Variants in CSMD1 observed in about 807,000 individuals in gnomAD.
CSMD1 encodes CUB and sushi domain-containing protein 1.
A neutral mutation model predicts 417.5 loss-of-function variants in CSMD1; 213 were observed. The observed-to-expected ratio is 0.51, with a 90% CI of 0.46 to 0.57. The LOEUF (loss-of-function observed/expected upper bound fraction) is 0.57. Among genes scored for constraint, CSMD1 ranks in the 20% least tolerant of loss-of-function variants. The probability of loss-of-function intolerance (pLI) is 0.00; values close to 1 mark genes in which losing one functional copy is unlikely to be tolerated. For synonymous variants in CSMD1, 2,862 were observed against 1,736.8 expected, an observed-to-expected ratio of 1.65 and a Z score of -16.11; for missense variants, 6,923 against 4,529.7, an observed-to-expected ratio of 1.53 and a Z score of -15.17.
chr8:4,125,734 T>C (rs1802726152), intron 3 of CSMD1, among the ~76,000 whole-genome samples: 2 of 152,292 alleles, frequency 1.3e-5, no homozygotes, highest in South Asian at 4.1e-4. Context: ...AGTTCACAGT[T>C]TGACTCTGAA....
At chr8:3,655,460 A>G (rs947681331) in intron 7 of CSMD1, among the ~76,000 whole-genome samples, 1 of 152,220 alleles carries the variant, frequency 6.6e-6, no homozygotes, top group Non-Finnish European at 1.5e-5. Context: ...CTACATAATT[A>G]TAATGACAAA....
intron 3 of CSMD1, among the ~76,000 whole-genome samples, chr8:4,090,011 T>A (rs577815499): frequency 1.3e-5 from 2 of 152,326 alleles, no homozygotes; most frequent in South Asian, 4.1e-4. Context: ...TACTAGCCTG[T>A]TTTGTAAAGG....
chr8:4,118,636 T>C (rs770609768), intron 3 of CSMD1, among the ~76,000 whole-genome samples: 1 of 152,196 alleles, frequency 6.6e-6, no homozygotes, highest in Admixed American at 6.5e-5. Context: ...CATTTTACAC[T>C]GTTGATGGGT....
intron 5 of CSMD1, among the ~76,000 whole-genome samples, chr8:3,829,871 C>A (rs745851584): frequency 6.6e-6 from 1 of 152,096 alleles, no homozygotes; most frequent in African/African-American, 2.4e-5. Context: ...TTAGAAAACA[C>A]TGTTATGTGA....
At chr8:4,292,345 G>A (rs1263315757) in intron 3 of CSMD1, among the ~76,000 whole-genome samples, 4 of 151,832 alleles carry the variant, frequency 2.6e-5, no homozygotes, top group Non-Finnish European at 4.4e-5. Context: ...CTCTGCCTCC[G>A]GGGTTCACGC....
At chr8:4,418,223 T>C (rs570283809) in intron 3 of CSMD1, among the ~76,000 whole-genome samples, 1 of 152,158 alleles carries the variant, frequency 6.6e-6, no homozygotes, top group Non-Finnish European at 1.5e-5. Flanking sequence ...AATCATTTTC[T>C]ACATAGCCAC....
chr8:3,805,133 G>A (rs1395303600), intron 5 of CSMD1, among the ~76,000 whole-genome samples: 1 of 152,164 alleles, frequency 6.6e-6, no homozygotes, highest in Non-Finnish European at 1.5e-5. Flanking sequence ...AATTGCCTCA[G>A]ATTCCACTAG....
At chr8:3,806,048 G>A (rs1800720482) in intron 5 of CSMD1, among the ~76,000 whole-genome samples, 1 of 152,096 alleles carries the variant, frequency 6.6e-6, no homozygotes, top group Non-Finnish European at 1.5e-5. Flanking sequence ...CTTCTTCAAT[G>A]GATTTTAATT....
At chr8:4,718,234 C>T (rs963069950) in intron 1 of CSMD1, among the ~76,000 whole-genome samples, 1 of 152,190 alleles carries the variant, frequency 6.6e-6, no homozygotes, top group Non-Finnish European at 1.5e-5. Context: ...GTCTCAGCCT[C>T]CCAAAATGTT....
chr8:4,095,312 G>C (rs1015428495), intron 3 of CSMD1, among the ~76,000 whole-genome samples: 2 of 152,068 alleles, frequency 1.3e-5, no homozygotes, highest in Non-Finnish European at 2.9e-5. Context: ...GTTATTACCT[G>C]ATATAACATT....
At chr8:4,640,947 A>G (rs998451610) in intron 1 of CSMD1, among the ~76,000 whole-genome samples, 5 of 151,526 alleles carry the variant, frequency 3.3e-5, no homozygotes, top group African/African-American at 1.2e-4. Context: ...ATCAATATCA[A>G]TGGCAATATC....
At chr8:3,526,977 G>C (rs1797779779) in intron 10 of CSMD1, among the ~76,000 whole-genome samples, 1 of 152,046 alleles carries the variant, frequency 6.6e-6, no homozygotes, top group African/African-American at 2.4e-5. Flanking sequence ...CAGCCCTCTG[G>C]AGGGTGGGGC....
intron 5 of CSMD1, among the ~76,000 whole-genome samples, chr8:3,796,427 G>GATATAGATATATATCTATCATGTATAC (rs1800147172): frequency 1.0e-5 from 1 of 96,888 alleles, no homozygotes; most frequent in African/African-American, 4.1e-5. Flanking sequence ...ATCATGTATA[G>GATATAGATATATATCTATCATGTATAC]ATATATATAT....
intron 10 of CSMD1, among the ~76,000 whole-genome samples, chr8:3,509,502 T>C (rs893054497): frequency 6.6e-6 from 1 of 152,212 alleles, no homozygotes; most frequent in African/African-American, 2.4e-5. Context: ...AGCTTCCTCA[T>C]CTTTAAAATG....
intron 3 of CSMD1, among the ~76,000 whole-genome samples, chr8:4,190,152 A>C (rs1798930875): frequency 1.3e-5 from 2 of 150,540 alleles, no homozygotes; most frequent in African/African-American, 4.9e-5. Context: ...CCAGCTACTC[A>C]GGAGGCTGAG....
Position 4,078,386 on chromosome 8 carries a change from C to G in CSMD1, c.416-46287G>C, listed in dbSNP as rs574977209. Among the ~76,000 whole-genome samples the G allele has an allele frequency of 5.1e-3, 741 of 145,618 alleles. 6 individuals are homozygous for G. Among genetic ancestry groups the G allele is most frequent in the African/African-American group, 0.018 (704 of 38,856 alleles). ...CTGGAGTGCAGTGGCGTGATCTCGACTCACTGCAAGCTCCACCTCCCGGGT... is the reference window on the plus strand; with the variant it reads ...CTGGAGTGCAGTGGCGTGATCTCGAGTCACTGCAAGCTCCACCTCCCGGGT... On this transcript the variant is annotated intron_variant, in intron 3 of 69. Coordinates refer to ENST00000635120, the MANE Select transcript of CSMD1 (RefSeq NM_033225.6).
intron 5 of CSMD1, among the ~76,000 whole-genome samples, chr8:3,959,313 A>G (rs1348878977): frequency 6.6e-6 from 1 of 152,190 alleles, no homozygotes; most frequent in East Asian, 1.9e-4. Context: ...CCTGGGCAAC[A>G]TGGCAAAAAA....
chr8:4,757,699 C>G (rs1195307683), intron 1 of CSMD1, among the ~76,000 whole-genome samples: 1 of 152,092 alleles, frequency 6.6e-6, no homozygotes, highest in Non-Finnish European at 1.5e-5. Flanking sequence ...TGGCTTATGT[C>G]TGTAATCCTA....
chr8:4,438,438 C>T (rs571230593), intron 2 of CSMD1, among the ~76,000 whole-genome samples: 8 of 152,264 alleles, frequency 5.3e-5, no homozygotes, highest in South Asian at 2.1e-4. Flanking sequence ...ATCCACATGA[C>T]GCTGAATGTT....
Sources: gnomAD v4.1 joint callset for allele counts (sites outside exome capture counted in the v4.1 genomes callset) on GRCh38, gnomAD v4.1.1 for gene constraint, MANE v1.5 for transcripts, NCBI Gene and HGNC (gene_info 2026-07-23, HGNC 2026-07-21) for gene names.